The following NEGR1 variants were observed in gnomAD, a reference collection of about 807,000 sequenced individuals.
NEGR1 encodes the protein neuronal growth regulator 1.
Under a neutral mutation model 40.9 loss-of-function variants are expected in NEGR1, and 10 were observed. The observed-to-expected ratio is 0.24, with a 90% CI of 0.15 to 0.42. The LOEUF (loss-of-function observed/expected upper bound fraction) is 0.42, where lower values mean the gene tolerates loss of function less well. NEGR1 is among the 10% of genes least tolerant of loss of function. The pLI is 1.00. For missense variants in NEGR1, 352 were observed against 438.9 expected, an observed-to-expected ratio of 0.80 and a Z score of 1.77; for synonymous variants, 185 against 166.8, an observed-to-expected ratio of 1.11 and a Z score of -0.84.
chr1:71,579,121 A>G lies in NEGR1; in HGVS notation c.940+13696T>C, dbSNP rs77212853. 1.8e-3 allele frequency among the ~76,000 whole-genome samples: 275 copies of G among 152,188 alleles called. 3 individuals carry two copies. Among genetic ancestry groups the G allele is most frequent in the African/African-American group, 6.4e-3 (265 of 41,540 alleles). ...TGAAAATATGTTTTTGGCTCATATC[A>G]TTTCTGCTACATTTCCTTGCAAGTC... On this transcript the variant is annotated intron_variant, in intron 6 of 6. Coordinates refer to ENST00000357731, the MANE Select transcript of NEGR1 (RefSeq NM_173808.3).
chr1:71,480,093 A>G (rs1569925042), intron 6 of NEGR1, among the ~76,000 whole-genome samples: 1 of 151,948 alleles, frequency 6.6e-6, no homozygotes, highest in South Asian at 2.1e-4. Flanking sequence ...ATTTCAACCA[A>G]CCCATGTAAT....
rs1026016055 is a variant in NEGR1, at chr1:71,404,869, T to C, written c.*2577A>G. The C allele has an allele frequency of 6.6e-6, 1 of 152,246 alleles. No individual in the cohort carries two copies. Among genetic ancestry groups the C allele is most frequent in the Non-Finnish European group, 1.5e-5 (1 of 67,764 alleles). The allele number at this position is 152,246 out of a possible 1,614,324, so 9.4% of individuals were successfully genotyped here. On this transcript the variant is annotated 3_prime_UTR_variant, in exon 7 of 7. Coordinates refer to ENST00000357731, the MANE Select transcript of NEGR1 (RefSeq NM_173808.3). ...GATAAAATGGGGTAATCAGACATTT[T>C]ATATGTCCATAAATGTAAAATCATC...
At chr1:71,440,349 A>G (rs966368549) in intron 6 of NEGR1, among the ~76,000 whole-genome samples, 11 of 152,354 alleles carry the variant, frequency 7.2e-5, no homozygotes, top group Non-Finnish European at 1.0e-4. Context: ...GCCAACAACC[A>G]TAGCCTGCAA....
At chr1:71,718,035 C>G (rs1195235060) in intron 3 of NEGR1, among the ~76,000 whole-genome samples, 1 of 152,064 alleles carries the variant, frequency 6.6e-6, no homozygotes, top group African/African-American at 2.4e-5. Flanking sequence ...GAAGCCACCC[C>G]ATCTGTGATA....
At chr1:71,634,549 G>C (rs1651078899) in intron 4 of NEGR1, among the ~76,000 whole-genome samples, 2 of 152,114 alleles carry the variant, frequency 1.3e-5, no homozygotes, top group African/African-American at 4.8e-5. Context: ...TTTCATCAAA[G>C]AGATCCTGAG....
At chr1:71,987,049 C>G (rs1201429069) in intron 1 of NEGR1, among the ~76,000 whole-genome samples, 1 of 152,090 alleles carries the variant, frequency 6.6e-6, no homozygotes, top group Non-Finnish European at 1.5e-5. Context: ...GTTTTCTGAG[C>G]AAGAGATTTC....
intron 6 of NEGR1, among the ~76,000 whole-genome samples, chr1:71,534,876 T>C (rs1311637030): frequency 6.6e-6 from 1 of 151,590 alleles, no homozygotes; most frequent in Non-Finnish European, 1.5e-5. Flanking sequence ...CCAAATTCCA[T>C]TATTTATAAA....
At chr1:72,167,153 C>G (rs1355883980) in intron 1 of NEGR1, among the ~76,000 whole-genome samples, 1 of 151,962 alleles carries the variant, frequency 6.6e-6, no homozygotes, top group Non-Finnish European at 1.5e-5. Flanking sequence ...GATGCTGTTC[C>G]AAAAATAAGA....
At chr1:71,888,081 G>C (rs994783791) in intron 2 of NEGR1, among the ~76,000 whole-genome samples, 3 of 151,592 alleles carry the variant, frequency 2.0e-5, no homozygotes, top group Non-Finnish European at 2.9e-5. Flanking sequence ...TGTCTGAACG[G>C]CTCCATAATT....
chr1:71,714,691 G>C (rs865902421), intron 3 of NEGR1, among the ~76,000 whole-genome samples: 1 of 152,190 alleles, frequency 6.6e-6, no homozygotes, highest in Non-Finnish European at 1.5e-5. Flanking sequence ...GATCTCCTTT[G>C]ACTCCATGTC....
chr1:72,152,368 G>T (rs1651157758), intron 1 of NEGR1, among the ~76,000 whole-genome samples: 1 of 151,806 alleles, frequency 6.6e-6, no homozygotes, highest in African/African-American at 2.4e-5. Flanking sequence ...ATTTGAAGAG[G>T]CATTTATTGC....
intron 2 of NEGR1, among the ~76,000 whole-genome samples, chr1:71,918,112 G>C (rs1383473647): frequency 6.8e-6 from 1 of 146,788 alleles, no homozygotes; most frequent in Admixed American, 6.8e-5. Flanking sequence ...AGCTACTCGG[G>C]AGGCTGAGGC....
At chr1:71,426,836 A>G (rs528646712) in intron 6 of NEGR1, among the ~76,000 whole-genome samples, 8 of 152,140 alleles carry the variant, frequency 5.3e-5, no homozygotes, top group Admixed American at 1.3e-4. Context: ...ACAAAACATC[A>G]CCTTTTAACT....
intron 2 of NEGR1, among the ~76,000 whole-genome samples, chr1:71,911,547 C>A (rs1661420485): frequency 6.6e-6 from 1 of 152,076 alleles, no homozygotes; most frequent in African/African-American, 2.4e-5. Flanking sequence ...ATTCTAAGCC[C>A]CATGAGAACA....
chr1:71,764,972 C>A (rs2101704704), intron 3 of NEGR1, among the ~76,000 whole-genome samples: 1 of 152,032 alleles, frequency 6.6e-6, no homozygotes. Context: ...TGATGACCAG[C>A]TCAGTGGTTG....
chr1:71,863,271 T>G (rs1445682770), intron 2 of NEGR1, among the ~76,000 whole-genome samples: 2 of 151,970 alleles, frequency 1.3e-5, no homozygotes, highest in Non-Finnish European at 2.9e-5. Flanking sequence ...TGCAGCCACG[T>G]AAAGGAACAA....
intron 1 of NEGR1, among the ~76,000 whole-genome samples, chr1:72,106,143 A>G (rs559454037): frequency 1.3e-5 from 2 of 152,210 alleles, no homozygotes; most frequent in East Asian, 3.9e-4. Flanking sequence ...GGCAAAGTTA[A>G]AGAACATTTA....
chr1:71,565,299 G>GA (rs1017276421), intron 6 of NEGR1, among the ~76,000 whole-genome samples: 20 of 152,080 alleles, frequency 1.3e-4, no homozygotes, highest in African/African-American at 4.6e-4. Context: ...AAAAGAAAAG[G>GA]AAAAAATAAG....
At chr1:71,899,709 T>C (rs80119872) in intron 2 of NEGR1, among the ~76,000 whole-genome samples, 3,058 of 152,300 alleles carry the variant, frequency 0.02, 62 homozygotes, top group South Asian at 0.1. Flanking sequence ...AAAAGTCTTC[T>C]TATTTATAGT....
Sources: gnomAD v4.1 joint callset for allele counts (sites outside exome capture counted in the v4.1 genomes callset) on GRCh38, gnomAD v4.1.1 for gene constraint, MANE v1.5 for transcripts, NCBI Gene and HGNC (gene_info 2026-07-23, HGNC 2026-07-21) for gene names.